The following ANXA4 variants were observed in gnomAD, a reference collection of about 807,000 sequenced individuals.
ANXA4 encodes the protein annexin A4, also known as 35-beta calcimedin.
In ANXA4, 39 loss-of-function variants were observed where a neutral mutation model predicts 49.8. The ratio of observed to expected loss-of-function variants is 0.78; its 90% CI spans 0.61 to 1.02. The LOEUF (loss-of-function observed/expected upper bound fraction) is 1.02, where lower values mean the gene tolerates loss of function less well. Ranked by LOEUF, ANXA4 falls within the 50% of genes least tolerant of loss-of-function variation. The pLI is 0.00. For missense variants in ANXA4, 360 were observed against 410.1 expected (o/e 0.88, Z 1.05); for synonymous variants, 134 against 152.5 (o/e 0.88, Z 0.89).
At chr2:69,656,367 GTGTATATATGTGTATATA>G (rs1676483282) in intron 2 of ANXA4, among the ~76,000 whole-genome samples, 3 of 125,098 alleles carry the variant, frequency 2.4e-5, no homozygotes, top group East Asian at 3.0e-4. Context: ...GTATATATAT[GTGTATATATGTGTATATA>G]TATGTGTATA....
At chr2:69,781,383 A>T in intron 1 of ANXA4, 137 bp from the exon 2 acceptor site, 1 of 680,762 alleles carries the variant, frequency 1.5e-6, no homozygotes, top group Non-Finnish European at 2.6e-6. Flanking sequence ...TCTTTGGCTA[A>T]TCAGTAACTG....
upstream of ANXA4, among the ~76,000 whole-genome samples, chr2:69,740,326 C>T (rs543021954): frequency 2.0e-5 from 3 of 152,226 alleles, no homozygotes; most frequent in East Asian, 1.9e-4. Flanking sequence ...GTCTGAGCCA[C>T]CTCACCTGGC....
chr2:69,661,811 C>T (rs1039347321), intron 2 of ANXA4, among the ~76,000 whole-genome samples: 2 of 151,892 alleles, frequency 1.3e-5, no homozygotes, highest in East Asian at 1.9e-4. Flanking sequence ...AAACCCAGGA[C>T]GATTTCTTGT....
intron 2 of ANXA4, among the ~76,000 whole-genome samples, chr2:69,654,924 G>A (rs1193579619): frequency 6.6e-6 from 1 of 152,100 alleles, no homozygotes; most frequent in Non-Finnish European, 1.5e-5. Context: ...CAAGCAATGG[G>A]GAAAGGATTC....
rs866207451 is a variant in ANXA4, at chr2:69,774,338, C to G, written c.-46-7182C>G. ...TTTATGTAAAAGGAGCCCCCCCCCC[C>G]CCTTTTTTTTTTTTTTTGAGACAGA... On this transcript the variant is annotated intron_variant, in intron 1 of 12. Transcript: ENST00000394295. Among the ~76,000 whole-genome samples the G allele has an allele frequency of 1.8e-4, 19 of 103,296 alleles. No individual in the cohort carries two copies. In the East Asian group the frequency reaches 5.2e-3, roughly 28 times the overall value. 67.8% of individuals were successfully genotyped at this position (103,296 alleles called of 152,430 possible).
At chr2:69,750,255 A>G (rs1670783684) in intron 1 of ANXA4, among the ~76,000 whole-genome samples, 1 of 152,200 alleles carries the variant, frequency 6.6e-6, no homozygotes, top group South Asian at 2.1e-4. Context: ...ACTTCCTTAT[A>G]TGTGTACAAA....
intron 2 of ANXA4, among the ~76,000 whole-genome samples, chr2:69,696,179 C>T (rs1418536941): frequency 6.6e-6 from 1 of 152,190 alleles, no homozygotes; most frequent in Non-Finnish European, 1.5e-5. Context: ...ATTCCATCCT[C>T]TCAAACCCTT....
intron 1 of ANXA4, among the ~76,000 whole-genome samples, chr2:69,752,789 C>G (rs538567458): frequency 2.6e-5 from 4 of 152,276 alleles, no homozygotes; most frequent in African/African-American, 9.6e-5. Context: ...TTTAGTCCAC[C>G]CTCTAGGCCT....
chr2:69,740,614 G>A (rs1259524084), upstream of ANXA4, among the ~76,000 whole-genome samples: 2 of 149,506 alleles, frequency 1.3e-5, no homozygotes, highest in African/African-American at 2.5e-5. Flanking sequence ...CTATGCACCC[G>A]GCTAATTATT....
At chr2:69,645,941 G>C (rs1244979813) in intron 1 of ANXA4, among the ~76,000 whole-genome samples, 1 of 152,190 alleles carries the variant, frequency 6.6e-6, no homozygotes, top group Non-Finnish European at 1.5e-5. Context: ...AAGTCACACA[G>C]TAAATAGCAA....
intron 1 of ANXA4, among the ~76,000 whole-genome samples, chr2:69,773,367 C>G (rs1043829352): frequency 7.2e-5 from 11 of 152,104 alleles, no homozygotes; most frequent in Non-Finnish European, 1.5e-5. Flanking sequence ...TCCAAAACTA[C>G]ATGAAAGCAA....
In ANXA4 at chr2:69,681,047, CTTCACTT is replaced by C. The variant is rs1465871292; in HGVS notation, n.766+27768_766+27774del. On this transcript the variant is annotated intron_variant and non_coding_transcript_variant, in intron 2 of 3. Coordinates refer to the ANXA4 transcript ENST00000418066. The stretch of plus-strand genomic sequence containing the variant: ...AATGAGTTAGGAAGAATTCTCTCCT[CTTCACTT>C]TTTTGGAATAGTTTGAGAAGAATTG... Among the ~76,000 whole-genome samples the C allele has an allele frequency of 5.3e-5, 8 of 152,224 alleles. No homozygotes were observed. In the East Asian group the frequency reaches 1.5e-3, roughly 29 times the overall value.
intron 2 of ANXA4, among the ~76,000 whole-genome samples, chr2:69,786,476 T>G (rs1234181509): frequency 1.3e-5 from 2 of 152,308 alleles, no homozygotes; most frequent in Middle Eastern, 3.4e-3. Context: ...CCTATCTCCT[T>G]TCTCAAAACC....
At chr2:69,663,246 G>A (rs1171868796) in intron 2 of ANXA4, among the ~76,000 whole-genome samples, 14 of 139,516 alleles carry the variant, frequency 1.0e-4, no homozygotes, top group African/African-American at 3.0e-4. Context: ...CTCCCGTCTC[G>A]GCCTCCCAAA....
intron 1 of ANXA4, among the ~76,000 whole-genome samples, chr2:69,764,969 G>C (rs1320558988): frequency 9.9e-6 from 1 of 101,170 alleles, no homozygotes; most frequent in Non-Finnish European, 2.4e-5. Flanking sequence ...ATTTCACTTA[G>C]CTTAGTGTCC....
intron 1 of ANXA4, among the ~76,000 whole-genome samples, chr2:69,648,003 G>A (rs1676076125): frequency 6.6e-6 from 1 of 152,168 alleles, no homozygotes; most frequent in South Asian, 2.1e-4. Flanking sequence ...TGTATGGTTT[G>A]TTAAGTTTGA....
chr2:69,650,085 G>A (rs1357236901), intron 1 of ANXA4, among the ~76,000 whole-genome samples: 2 of 150,868 alleles, frequency 1.3e-5, no homozygotes, highest in Non-Finnish European at 2.9e-5. Flanking sequence ...ACAAGCACCC[G>A]CCATCATGCC....
chr2:69,644,029 C>G, upstream of ANXA4: 2 of 348,468 alleles, frequency 5.7e-6, no homozygotes, highest in Non-Finnish European at 8.4e-6. Context: ...CTACAAATCC[C>G]AGCATACTCC....
At chr2:69,810,798 C>T in intron 7 of ANXA4, 125 bp downstream of exon 7, 1 of 728,346 alleles carries the variant, frequency 1.4e-6, no homozygotes, top group Non-Finnish European at 2.4e-6. Context: ...TCTCAGACCC[C>T]TCTGTTCCTT....
Sources: gnomAD v4.1 joint callset for allele counts (sites outside exome capture counted in the v4.1 genomes callset) on GRCh38, gnomAD v4.1.1 for gene constraint, MANE v1.5 for transcripts, NCBI Gene and HGNC (gene_info 2026-07-23, HGNC 2026-07-21) for gene names.